Variants in STK39 observed in about 807,000 individuals in gnomAD.
STK39 encodes the protein serine/threonine kinase 39.
A neutral mutation model predicts 77.8 loss-of-function variants in STK39; 20 were observed. The observed-to-expected ratio is 0.26, with a 90% confidence interval of 0.18 to 0.37. The LOEUF (loss-of-function observed/expected upper bound fraction) is 0.37. Ranked by LOEUF, STK39 falls within the 10% of genes least tolerant of loss-of-function variation. STK39 has a pLI of 1.00. For synonymous variants in STK39, 246 were observed against 234.1 expected, an observed-to-expected ratio of 1.05 and a Z score of -0.47; for missense variants, 479 against 656.5, an observed-to-expected ratio of 0.73 and a Z score of 2.95.
At chr2:168,126,183 C>G (rs1687536669) in intron 10 of STK39, among the ~76,000 whole-genome samples, 1 of 152,258 alleles carries the variant, frequency 6.6e-6, no homozygotes, top group Non-Finnish European at 1.5e-5. Context: ...GTCTGTTTCT[C>G]TTTGAAAAAC....
At chr2:167,955,819 A>T (rs1418245425) in intron 17 of STK39, among the ~76,000 whole-genome samples, 1 of 152,226 alleles carries the variant, frequency 6.6e-6, no homozygotes, top group Non-Finnish European at 1.5e-5. Flanking sequence ...CCATTAAAAT[A>T]CCATGCCCAG....
At chr2:168,162,083 C>T (rs995425795) in intron 4 of STK39, among the ~76,000 whole-genome samples, 13 of 151,826 alleles carry the variant, frequency 8.6e-5, no homozygotes, top group South Asian at 2.1e-4. Flanking sequence ...GTCAGGAGTT[C>T]GAGACCAGCC....
intron 1 of STK39, among the ~76,000 whole-genome samples, chr2:168,227,241 T>C (rs977206447): frequency 6.6e-6 from 1 of 152,210 alleles, no homozygotes; most frequent in Non-Finnish European, 1.5e-5. Flanking sequence ...AAACTGGCCA[T>C]ACAGGCCATC....
intron 10 of STK39, among the ~76,000 whole-genome samples, chr2:168,126,359 C>G (rs2105500506): frequency 6.6e-6 from 1 of 152,296 alleles, no homozygotes; most frequent in South Asian, 2.1e-4. Flanking sequence ...AAATTAACGA[C>G]TCCCCTGAAC....
intron 15 of STK39, among the ~76,000 whole-genome samples, chr2:168,016,100 G>A (rs781678993): frequency 1.2e-4 from 18 of 151,970 alleles, no homozygotes; most frequent in Non-Finnish European, 1.9e-4. Flanking sequence ...GCTAGTTTTT[G>A]TATTTTTAGT....
chr2:168,084,719 A>T (rs1179068167), intron 10 of STK39, among the ~76,000 whole-genome samples: 2 of 152,238 alleles, frequency 1.3e-5, no homozygotes, highest in Non-Finnish European at 2.9e-5. Flanking sequence ...GAGAGAGATG[A>T]GCTAAAGAAT....
intron 14 of STK39, among the ~76,000 whole-genome samples, chr2:168,054,482 A>G (rs1409746784): frequency 2.0e-5 from 3 of 152,240 alleles, no homozygotes; most frequent in African/African-American, 7.2e-5. Flanking sequence ...ATCTTTTTGA[A>G]GGATACCACT....
At chr2:168,080,850 G>T (rs1240936061) in intron 10 of STK39, among the ~76,000 whole-genome samples, 2 of 152,200 alleles carry the variant, frequency 1.3e-5, no homozygotes, top group Non-Finnish European at 2.9e-5. Context: ...TTGACTCAAA[G>T]GAGCCAAGGT....
At chr2:168,203,706 T>G (rs1574552607) in intron 1 of STK39, among the ~76,000 whole-genome samples, 1 of 152,186 alleles carries the variant, frequency 6.6e-6, no homozygotes. Flanking sequence ...AATTCTCCTG[T>G]CTCAGCCTCC....
chr2:168,010,742 T>C (rs1009806313), intron 16 of STK39, among the ~76,000 whole-genome samples: 6 of 152,250 alleles, frequency 3.9e-5, no homozygotes, highest in African/African-American at 1.4e-4. Context: ...TATCTTTGTA[T>C]CTGCATTTAT....
intron 10 of STK39, among the ~76,000 whole-genome samples, chr2:168,086,097 G>T (rs1686359849): frequency 6.6e-6 from 1 of 152,152 alleles, no homozygotes; most frequent in Non-Finnish European, 1.5e-5. Context: ...TCAGCCATTT[G>T]GTCTAGGGTG....
chr2:167,957,283 G>C (rs1187319457), intron 17 of STK39, among the ~76,000 whole-genome samples: 1 of 152,094 alleles, frequency 6.6e-6, no homozygotes, highest in African/African-American at 2.4e-5. Flanking sequence ...TGATATCTCT[G>C]GTTTCATCTG....
At chr2:168,131,119 A>C (rs1191561534) in intron 8 of STK39, among the ~76,000 whole-genome samples, 8 of 152,250 alleles carry the variant, frequency 5.3e-5, no homozygotes, top group Non-Finnish European at 1.2e-4. Flanking sequence ...CTTGTTTATA[A>C]GAAATGCAAG....
chr2:167,999,713 C>A lies in STK39; in HGVS notation c.1498+12921G>T, dbSNP rs112305099. ...TCCTGACCTCATGATCCACCCACCTCGGCCTCCCAAAGTGCTGGGATTACA... is the reference window on the plus strand; with the variant it reads ...TCCTGACCTCATGATCCACCCACCTAGGCCTCCCAAAGTGCTGGGATTACA... On this transcript the variant is annotated intron_variant, in intron 16 of 17. Coordinates refer to ENST00000355999, the MANE Select transcript of STK39 (RefSeq NM_013233.3). 3.3e-5 allele frequency among the ~76,000 whole-genome samples: 5 copies of A among 151,988 alleles called. 1 individual carries two copies. In the South Asian group the frequency reaches 1.0e-3, roughly 32 times the overall value.
rs1688391769 is a variant in STK39, at chr2:168,155,086, G to GC, written c.628+6700dup. Among the ~76,000 whole-genome samples the GC allele has an allele frequency of 1.3e-5, 2 of 152,236 alleles. 1 individual carries two copies. The highest frequency in any genetic ancestry group is 4.2e-4 in the South Asian group (2 of 4,818). Reference sequence around the variant, plus strand: ...GGAGACTGAGTCCCATCTGCCTCATGCCCCCCTAGACACTCTTCTGTGAAG... The same window carrying GC: ...GGAGACTGAGTCCCATCTGCCTCATGCCCCCCCTAGACACTCTTCTGTGAAG... On this transcript the variant is annotated intron_variant, in intron 5 of 17. Coordinates refer to ENST00000355999, the MANE Select transcript of STK39 (RefSeq NM_013233.3).
chr2:168,142,850 G>A (rs751639689), intron 5 of STK39, among the ~76,000 whole-genome samples: 7 of 152,148 alleles, frequency 4.6e-5, no homozygotes, highest in East Asian at 1.9e-4. Context: ...TCCTATGTAC[G>A]GCTGATGTGT....
chr2:168,174,941 T>G (rs574942172), intron 2 of STK39, among the ~76,000 whole-genome samples: 1 of 151,864 alleles, frequency 6.6e-6, no homozygotes, highest in Admixed American at 6.6e-5. Context: ...CTTTTACCAC[T>G]GCTGCTGTAT....
rs529498518 is a variant in STK39 at position 168,054,315 on chromosome 2, C to T, written c.1376+9185G>A. On this transcript the variant is annotated intron_variant, in intron 14 of 17. Transcript: ENST00000355999. ...CCACCTCTGCTTCTTGTGAGCTTTA[C>T]GGTGTTAAACAAATTATTTCATGAC... Among the ~76,000 whole-genome samples the T allele has an allele frequency of 1.4e-3, 216 of 152,324 alleles. 1 individual carries two copies. Among genetic ancestry groups the T allele is most frequent in the Middle Eastern group, 3.4e-3 (1 of 294 alleles).
At chr2:168,034,924 A>T (rs1684913760) in intron 14 of STK39, among the ~76,000 whole-genome samples, 1 of 152,246 alleles carries the variant, frequency 6.6e-6, no homozygotes, top group South Asian at 2.1e-4. Flanking sequence ...TCTCAGCAAT[A>T]GTGACCTCCT....
Sources: allele counts gnomAD v4.1 joint callset (sites outside exome capture counted in the v4.1 genomes callset), GRCh38; gene constraint gnomAD v4.1.1; transcripts MANE v1.5; gene names NCBI Gene and HGNC (gene_info 2026-07-23, HGNC 2026-07-21).